SEMA3E: variants seen among roughly 807,000 people sequenced by gnomAD.
The protein encoded by SEMA3E is semaphorin 3E, also known as semaphorin-3E.
Under a neutral mutation model 93.6 loss-of-function variants are expected in SEMA3E, and 49 were observed. The ratio of observed to expected loss-of-function variants is 0.52; its 90% CI spans 0.42 to 0.66. SEMA3E has a LOEUF of 0.66. Among genes scored for constraint, SEMA3E ranks in the 30% least tolerant of loss-of-function variants. The pLI is 0.00. For missense variants in SEMA3E, 906 were observed against 964.8 expected (o/e 0.94, Z 0.81); for synonymous variants, 363 against 330.7 (o/e 1.10, Z -1.06).
intron 5 of SEMA3E, among the ~76,000 whole-genome samples, chr7:83,414,147 T>C (rs909160468): frequency 1.3e-5 from 2 of 152,172 alleles, no homozygotes; most frequent in African/African-American, 2.4e-5. Flanking sequence ...GAAGTCTATG[T>C]TTCTATATAG....
In SEMA3E at chr7:83,548,495, G is replaced by A. The variant is rs375883887; in HGVS notation, c.116-58221C>T. Among the ~76,000 whole-genome samples the A allele has an allele frequency of 7.9e-5, 12 of 151,996 alleles. No individual in the cohort carries two copies. The East Asian group carries it at 1.5e-3, about 20-fold the overall frequency. On this transcript the variant is annotated intron_variant, in intron 1 of 16. Coordinates refer to ENST00000643230, the MANE Select transcript of SEMA3E (RefSeq NM_012431.3). ...TAAACAGAAAGGAGGAGTTTCAGTC[G>A]TGTGCATTATTGAGATTTTTTTCCC...
intron 5 of SEMA3E, 95 bp downstream of exon 5, chr7:83,418,295 A>G (rs1788598103): frequency 4.6e-6 from 4 of 864,206 alleles, no homozygotes; most frequent in Non-Finnish European, 7.7e-6. Context: ...AAGGCATAGT[A>G]TGTAAAGAAA....
chr7:83,502,291 C>T (rs1042689752), intron 1 of SEMA3E, among the ~76,000 whole-genome samples: 4 of 152,154 alleles, frequency 2.6e-5, no homozygotes, highest in South Asian at 2.1e-4. Context: ...CCAGAGTGAT[C>T]ATTTCTTTCC....
chr7:83,616,032 T>C (rs1313437603), intron 1 of SEMA3E, among the ~76,000 whole-genome samples: 3 of 151,852 alleles, frequency 2.0e-5, no homozygotes, highest in Admixed American at 6.6e-5. Context: ...GTGGGTTAAA[T>C]GTATGCCCTT....
At chr7:83,609,629 A>G (rs1292667409) in intron 1 of SEMA3E, among the ~76,000 whole-genome samples, 1 of 151,956 alleles carries the variant, frequency 6.6e-6, no homozygotes, top group Non-Finnish European at 1.5e-5. Context: ...CCTAAACTAT[A>G]TATTGTGATC....
chr7:83,545,007 C>T (rs1215195806), intron 1 of SEMA3E, among the ~76,000 whole-genome samples: 2 of 151,954 alleles, frequency 1.3e-5, no homozygotes, highest in Non-Finnish European at 2.9e-5. Flanking sequence ...TTGGTGCCAG[C>T]TAATAAATGC....
chr7:83,508,968 G>T (rs1294594622), intron 1 of SEMA3E, among the ~76,000 whole-genome samples: 1 of 152,076 alleles, frequency 6.6e-6, no homozygotes, highest in African/African-American at 2.4e-5. Context: ...TTTCAGTAGG[G>T]TTTAATCTAA....
In SEMA3E at chr7:83,368,209, C is replaced by G. The variant is rs6467944; in HGVS notation, c.1876-171G>C. 0.077 allele frequency among the ~76,000 whole-genome samples: 4,553 copies of G among 59,010 alleles called. 95 individuals carry two copies. The highest frequency in any genetic ancestry group is 0.14 in the East Asian group (66 of 458). 38.7% of individuals were successfully genotyped at this position (59,010 alleles called of 152,430 possible). A position where few individuals can be genotyped will look rare whatever the true frequency, so the allele number is the denominator to read the frequency against. ...AATAATTACATCTCTCTCTCTCTCT[C>G]TGTGTGTGTGTGTGTGTGTGTGTGT... On this transcript the variant is annotated intron_variant, in intron 16 of 16. Coordinates refer to ENST00000643230, the MANE Select transcript of SEMA3E (RefSeq NM_012431.3).
At position 83,434,526 on chromosome 7, in the gene SEMA3E, TTAA is replaced by T. The variant is rs559874094; in HGVS notation, c.457-16046_457-16044del. Among the ~76,000 whole-genome samples, 637 of 152,282 alleles carry T rather than the reference TTAA, an allele frequency of 4.2e-3. 8 individuals carry two copies. Among genetic ancestry groups the T allele is most frequent in the African/African-American group, 0.015 (608 of 41,570 alleles). On this transcript the variant is annotated intron_variant, in intron 4 of 16. Transcript: ENST00000643230. ...ACTAGCGTCTTAGCTGACTTTATTT[TTAA>T]TAATAACAAACATGCTTCTTGCTCT...
chr7:83,430,505 A>G (rs1241770546), intron 4 of SEMA3E, among the ~76,000 whole-genome samples: 1 of 152,194 alleles, frequency 6.6e-6, no homozygotes, highest in Non-Finnish European at 1.5e-5. Context: ...GCCATAAAAA[A>G]TAATGAGTTC....
chr7:83,494,516 T>C (rs181677387), intron 1 of SEMA3E, among the ~76,000 whole-genome samples: 51 of 151,860 alleles, frequency 3.4e-4, no homozygotes, highest in African/African-American at 1.2e-3. Flanking sequence ...TTTATGGCCT[T>C]AGGTAGCCAT....
At chr7:83,595,930 T>G (rs563329075) in intron 1 of SEMA3E, among the ~76,000 whole-genome samples, 161 of 152,268 alleles carry the variant, frequency 1.1e-3, no homozygotes, top group Non-Finnish European at 1.9e-3. Context: ...CATTTATCTT[T>G]AAACTTTTGC....
rs66605514 is a variant in SEMA3E at position 83,593,284 on chromosome 7, CTGTGTGTGTGTGTGTGTGTGTGTGTG to C, written c.115+55118_115+55143del. Reference sequence around the variant, plus strand: ...TGTCTCTCTCTCTCTCTCTCTCTCTCTGTGTGTGTGTGTGTGTGTGTGTGTGTGTGTGTGTGTGTGTGTGTGTGTGT... The same window carrying C: ...TGTCTCTCTCTCTCTCTCTCTCTCTCTGTGTGTGTGTGTGTGTGTGTGTGT... On this transcript the variant is annotated intron_variant, in intron 1 of 16. Transcript: ENST00000643230. Among the ~76,000 whole-genome samples, 454 of 116,754 alleles carry C rather than the reference CTGTGTGTGTGTGTGTGTGTGTGTGTG, an allele frequency of 3.9e-3. 7 individuals are homozygous for C. Among genetic ancestry groups the C allele is most frequent in the South Asian group, 0.013 (45 of 3,468 alleles). 76.6% of individuals were successfully genotyped at this position (116,754 alleles called of 152,430 possible).
At chr7:83,375,520 T>C (rs2116902702) in intron 16 of SEMA3E, among the ~76,000 whole-genome samples, 1 of 152,230 alleles carries the variant, frequency 6.6e-6, no homozygotes, top group East Asian at 1.9e-4. Flanking sequence ...TATACTGGGA[T>C]ATCTTCATGC....
intron 2 of SEMA3E, among the ~76,000 whole-genome samples, chr7:83,473,412 A>G (rs1789944098): frequency 6.6e-6 from 1 of 152,090 alleles, no homozygotes; most frequent in South Asian, 2.1e-4. Context: ...TAAAGTCTCT[A>G]TTATCTTCTG....
chr7:83,544,257 A>G (rs1180642151), intron 1 of SEMA3E, among the ~76,000 whole-genome samples: 1 of 152,052 alleles, frequency 6.6e-6, no homozygotes, highest in Non-Finnish European at 1.5e-5. Context: ...TTTATTTAAA[A>G]CCTTAATTAC....
At chr7:83,470,343 T>C (rs1433760442) in intron 2 of SEMA3E, among the ~76,000 whole-genome samples, 2 of 76,732 alleles carry the variant, frequency 2.6e-5, no homozygotes, top group Non-Finnish European at 7.8e-5. Context: ...AATTTTTTAC[T>C]TTATCACTTT....
At chr7:83,558,250 C>T (rs1175875745) in intron 1 of SEMA3E, among the ~76,000 whole-genome samples, 1 of 152,072 alleles carries the variant, frequency 6.6e-6, no homozygotes, top group South Asian at 2.1e-4. Flanking sequence ...ACCAAAGATG[C>T]CATGTTCTGC....
chr7:83,564,681 T>A (rs10251100), intron 1 of SEMA3E, among the ~76,000 whole-genome samples: 2,715 of 152,274 alleles, frequency 0.018, 67 homozygotes, highest in African/African-American at 0.057. Context: ...AACTTATCTG[T>A]TTTTTTAACT....
Sources: allele counts gnomAD v4.1 joint callset (sites outside exome capture counted in the v4.1 genomes callset), GRCh38; gene constraint gnomAD v4.1.1; transcripts MANE v1.5; gene names NCBI Gene and HGNC (gene_info 2026-07-23, HGNC 2026-07-21).